Variants in ARHGAP6 observed in about 807,000 individuals in gnomAD.
ARHGAP6 encodes the protein rho GTPase-activating protein 6.
ARHGAP6 carries 16 observed loss-of-function variants against 55.7 expected under a neutral mutation model. The ratio of observed to expected loss-of-function variants is 0.29; its 90% CI spans 0.19 to 0.44. ARHGAP6 has a LOEUF of 0.44. Among genes scored for constraint, ARHGAP6 ranks in the 20% least tolerant of loss-of-function variants. The pLI, the probability that ARHGAP6 is intolerant of heterozygous loss-of-function variation, is 1.00. For missense variants in ARHGAP6, 698 were observed against 808.9 expected (o/e 0.86, Z 1.66); for synonymous variants, 382 against 360.9 (o/e 1.06, Z -0.66).
chrX:11,473,127 T>C (rs1178149643), intron 1 of ARHGAP6, among the ~76,000 whole-genome samples: 1 of 111,351 alleles, frequency 9.0e-6, no homozygotes, highest in African/African-American at 3.3e-5. Flanking sequence ...GAACATTCTG[T>C]TTCTATGATT....
At chrX:11,240,040 TAAAGAAG>T (rs2047252658) in intron 2 of ARHGAP6, among the ~76,000 whole-genome samples, 1 of 112,219 alleles carries the variant, frequency 8.9e-6, no homozygotes, top group African/African-American at 3.2e-5. Context: ...GGAGGTTTGT[TAAAGAAG>T]TAACAATATT....
intron 1 of ARHGAP6, chrX:11,334,628 A>G (rs780828458): frequency 8.2e-6 from 1 of 122,131 alleles, no homozygotes; most frequent in East Asian, 2.6e-4. Context: ...GGTTTCATTC[A>G]CTGTCTTTGC....
chrX:11,471,548 TTGTG>T (rs1385936896), intron 1 of ARHGAP6, among the ~76,000 whole-genome samples: 2 of 112,308 alleles, frequency 1.8e-5, no homozygotes, highest in Admixed American at 9.4e-5. Context: ...GTGCATGTGT[TTGTG>T]TATGTGAATA....
At position 11,664,368 on chromosome X, in the gene ARHGAP6, C is replaced by A. The variant is rs758477400; in HGVS notation, c.461G>T (p.Ser154Ile). 6.6e-6 allele frequency: 8 copies of A among 1,212,224 alleles called. No individual in the cohort carries two copies. Among genetic ancestry groups the A allele is most frequent in the African/African-American group, 1.7e-5 (1 of 58,046 alleles). Residue 154 changes from serine (S) to isoleucine (I), a missense_variant, in exon 1 of 13, where the codon AGC (serine) becomes ATC (isoleucine). Coordinates refer to ENST00000337414, the MANE Select transcript of ARHGAP6 (RefSeq NM_013427.3). ...AGPASSRSASSILCSSGGGPN... is the reference protein window; with the variant it reads ...AGPASSRSASIILCSSGGGPN... ...GCCTCCCCCGGATGAACAGAGGATG[C>A]TGGAAGCGCTTCGGCTACTGGCTGG...
At chrX:11,325,252 T>C (rs1031455588) in intron 1 of ARHGAP6, among the ~76,000 whole-genome samples, 2 of 112,295 alleles carry the variant, frequency 1.8e-5, no homozygotes, top group Non-Finnish European at 3.8e-5. Context: ...TGATAATAAA[T>C]CTAGAGATCA....
At chrX:11,354,292 TCTTTCTCTC>T (rs2048900070) in intron 1 of ARHGAP6, among the ~76,000 whole-genome samples, 3 of 69,480 alleles carry the variant, frequency 4.3e-5, no homozygotes, top group Non-Finnish European at 7.8e-5. Context: ...TCTCTCTCTC[TCTTTCTCTC>T]TCTCTCTCTC....
At chrX:11,579,904 A>T (rs2051645847) in intron 1 of ARHGAP6, among the ~76,000 whole-genome samples, 1 of 112,086 alleles carries the variant, frequency 8.9e-6, no homozygotes, top group Non-Finnish European at 1.9e-5. Context: ...AGAGGAGAAG[A>T]TGTTGACAGG....
intron 1 of ARHGAP6, among the ~76,000 whole-genome samples, chrX:11,593,289 C>T (rs1187400761): frequency 1.8e-5 from 2 of 111,469 alleles, no homozygotes; most frequent in African/African-American, 6.5e-5. Context: ...CGTAGAGTGG[C>T]CTGCACAATT....
intron 1 of ARHGAP6, among the ~76,000 whole-genome samples, chrX:11,270,300 A>G (rs1293417341): frequency 8.9e-6 from 1 of 111,894 alleles, no homozygotes; most frequent in East Asian, 2.8e-4. Flanking sequence ...GACACAGAGC[A>G]TCCAACAGAG....
intron 1 of ARHGAP6, among the ~76,000 whole-genome samples, chrX:11,407,190 C>T (rs1184104660): frequency 9.0e-6 from 1 of 111,454 alleles, no homozygotes; most frequent in Non-Finnish European, 1.9e-5. Flanking sequence ...AATCTATATT[C>T]CATCTCCATG....
Position 11,186,434 on chromosome X carries a change from G to A in ARHGAP6, c.1078-3C>T. On this transcript the variant is annotated splice_polypyrimidine_tract_variant and splice_region_variant and intron_variant, in intron 4 of 12. Coordinates refer to ENST00000337414, the MANE Select transcript of ARHGAP6 (RefSeq NM_013427.3). ...ATAGAATCCACTGACATGGCACCCT[G>A]CAAGTGACACAGAGCCGTGAACATA... 8.3e-7 allele frequency: 1 copy of A among 1,206,982 alleles called. No homozygotes were observed.
intron 1 of ARHGAP6, among the ~76,000 whole-genome samples, chrX:11,420,150 T>C (rs983349906): frequency 9.8e-5 from 11 of 111,905 alleles, no homozygotes; most frequent in African/African-American, 3.6e-4. Context: ...GTTTCTTGTA[T>C]TGAAAAGTAT....
At chrX:11,499,195 C>T (rs1411333618) in intron 1 of ARHGAP6, among the ~76,000 whole-genome samples, 2 of 112,258 alleles carry the variant, frequency 1.8e-5, no homozygotes, top group Non-Finnish European at 3.8e-5. Flanking sequence ...GTACTTGGCA[C>T]TCTAAGGACT....
At chrX:11,384,674 C>T (rs1402225549) in intron 1 of ARHGAP6, among the ~76,000 whole-genome samples, 1 of 111,996 alleles carries the variant, frequency 8.9e-6, no homozygotes, top group Non-Finnish European at 1.9e-5. Context: ...ACCTTGGCTA[C>T]ACAGGAAAAT....
intron 1 of ARHGAP6, among the ~76,000 whole-genome samples, chrX:11,526,806 A>T (rs1322561998): frequency 9.0e-6 from 1 of 111,574 alleles, no homozygotes; most frequent in Admixed American, 9.6e-5. Context: ...TTATATATGA[A>T]TTCATTTTGA....
At chrX:11,166,104 C>T (rs2046013517) in intron 9 of ARHGAP6, among the ~76,000 whole-genome samples, 1 of 111,998 alleles carries the variant, frequency 8.9e-6, no homozygotes, top group African/African-American at 3.2e-5. Flanking sequence ...ATCTAGGTTC[C>T]TCTTCTGTAT....
chrX:11,274,534 A>G (rs1057204686), intron 1 of ARHGAP6, among the ~76,000 whole-genome samples: 2 of 112,162 alleles, frequency 1.8e-5, no homozygotes, highest in African/African-American at 6.5e-5. Context: ...CACCAGATAT[A>G]TGACATAGGG....
chrX:11,554,085 T>A (rs2051297315), intron 1 of ARHGAP6, among the ~76,000 whole-genome samples: 1 of 112,307 alleles, frequency 8.9e-6, no homozygotes, highest in Non-Finnish European at 1.9e-5. Context: ...TGCTGTATAA[T>A]ATACACAATG....
chrX:11,244,636 T>C (rs1453221600), intron 2 of ARHGAP6, among the ~76,000 whole-genome samples: 2 of 112,375 alleles, frequency 1.8e-5, no homozygotes, highest in African/African-American at 6.5e-5. Flanking sequence ...AGGCAAAATG[T>C]TCATGTTTGA....
Sources: gnomAD v4.1 joint callset for allele counts (sites outside exome capture counted in the v4.1 genomes callset) on GRCh38, gnomAD v4.1.1 for gene constraint, MANE v1.5 for transcripts, NCBI Gene and HGNC (gene_info 2026-07-23, HGNC 2026-07-21) for gene names.